The following ATXN1 variants were observed in gnomAD, a reference collection of about 807,000 sequenced individuals.
ATXN1 encodes ataxin 1, also known as ataxin-1.
Under a neutral mutation model 56.4 loss-of-function variants are expected in ATXN1, and 8 were observed. The observed-to-expected ratio is 0.14, with a 90% CI of 0.08 to 0.26. ATXN1 has a LOEUF of 0.26. ATXN1 is among the 10% of genes least tolerant of loss of function. The pLI is 1.00. For missense variants in ATXN1, 987 were observed against 1,106.5 expected (o/e 0.89, Z 1.53); for synonymous variants, 514 against 494.6 (o/e 1.04, Z -0.52).
chr6:16,424,853 T>C (rs1052571821), intron 6 of ATXN1, among the ~76,000 whole-genome samples: 25 of 152,298 alleles, frequency 1.6e-4, no homozygotes, highest in African/African-American at 5.3e-4. Flanking sequence ...TCAGAACAGC[T>C]CCAGCCTGCC....
At chr6:16,657,230 G>T (rs760679276) in intron 3 of ATXN1, among the ~76,000 whole-genome samples, 1 of 151,942 alleles carries the variant, frequency 6.6e-6, no homozygotes. Flanking sequence ...CTCGTGATCC[G>T]CGCGCCTCGG....
chr6:16,370,043 G>A (rs1403284549), intron 6 of ATXN1, among the ~76,000 whole-genome samples: 2 of 152,122 alleles, frequency 1.3e-5, no homozygotes, highest in Non-Finnish European at 1.5e-5. Context: ...TAATGCTTAT[G>A]GTGGTAATAA....
intron 6 of ATXN1, among the ~76,000 whole-genome samples, chr6:16,417,798 C>T (rs1468138269): frequency 6.6e-6 from 1 of 152,064 alleles, no homozygotes; most frequent in Admixed American, 6.6e-5. Flanking sequence ...ATCTCACTCC[C>T]AGACAACTGA....
intron 4 of ATXN1, among the ~76,000 whole-genome samples, chr6:16,581,240 T>C (rs1402176864): frequency 3.3e-5 from 5 of 151,274 alleles, no homozygotes; most frequent in African/African-American, 1.2e-4. Flanking sequence ...CGTGTGTGTG[T>C]GTGTGTGTGT....
intron 2 of ATXN1, among the ~76,000 whole-genome samples, chr6:16,731,467 T>TC (rs1759980233): frequency 9.9e-6 from 1 of 101,510 alleles, no homozygotes; most frequent in Non-Finnish European, 1.8e-5. Context: ...TTTTTTTTTT[T>TC]TTTTTTTTTT....
intron 6 of ATXN1, among the ~76,000 whole-genome samples, chr6:16,399,547 T>C (rs972853193): frequency 3.9e-5 from 6 of 152,138 alleles, no homozygotes; most frequent in African/African-American, 1.2e-4. Context: ...CATTTCTGCC[T>C]CATGGTTCTA....
intron 2 of ATXN1, among the ~76,000 whole-genome samples, chr6:16,706,864 C>G (rs775298901): frequency 2.0e-5 from 3 of 152,122 alleles, no homozygotes; most frequent in Non-Finnish European, 4.4e-5. Flanking sequence ...CAATCCATCC[C>G]ATAAATGCTT....
chr6:16,761,267 A>C (rs1159919604), intron 1 of ATXN1, 31 bp downstream of exon 1: 2 of 441,230 alleles, frequency 4.5e-6, no homozygotes, highest in Admixed American at 4.8e-5. Context: ...GGGGGAAAGA[A>C]TCGGAGGAGG....
At chr6:16,757,395 C>A (rs896336779) in intron 1 of ATXN1, among the ~76,000 whole-genome samples, 1 of 152,132 alleles carries the variant, frequency 6.6e-6, no homozygotes, top group Non-Finnish European at 1.5e-5. Flanking sequence ...CTATATGTTG[C>A]AAAATAGAAT....
At chr6:16,416,873 A>G (rs1758920219) in intron 6 of ATXN1, among the ~76,000 whole-genome samples, 1 of 152,170 alleles carries the variant, frequency 6.6e-6, no homozygotes, top group African/African-American at 2.4e-5. Context: ...TTGCATACTC[A>G]GTAGAATGTG....
chr6:16,515,661 G>A (rs554804124), intron 5 of ATXN1, among the ~76,000 whole-genome samples: 6 of 152,148 alleles, frequency 3.9e-5, no homozygotes, highest in Non-Finnish European at 5.9e-5. Flanking sequence ...AGTCCTACAC[G>A]GAGCTTCCCA....
At chr6:16,309,832 G>C (rs1760347159) in intron 7 of ATXN1, among the ~76,000 whole-genome samples, 1 of 152,094 alleles carries the variant, frequency 6.6e-6, no homozygotes, top group Non-Finnish European at 1.5e-5. Context: ...TCAGGAGTTT[G>C]AGACCAGTCT....
intron 5 of ATXN1, among the ~76,000 whole-genome samples, chr6:16,499,390 A>T (rs775916321): frequency 3.3e-5 from 5 of 152,218 alleles, no homozygotes; most frequent in Non-Finnish European, 5.9e-5. Context: ...GTATTCAGCC[A>T]CTATTTAAAT....
chr6:16,618,009 T>C (rs1276176419), intron 3 of ATXN1, among the ~76,000 whole-genome samples: 1 of 151,610 alleles, frequency 6.6e-6, no homozygotes, highest in Admixed American at 6.6e-5. Context: ...GGGTAAATAG[T>C]TATCTGACCC....
intron 6 of ATXN1, among the ~76,000 whole-genome samples, chr6:16,460,464 C>T (rs767380106): frequency 7.9e-5 from 12 of 152,160 alleles, no homozygotes; most frequent in Non-Finnish European, 1.2e-4. Flanking sequence ...AAGGATCTCA[C>T]CATCTAGACT....
At chr6:16,324,863 A>G (rs1459302519) in intron 7 of ATXN1, among the ~76,000 whole-genome samples, 1 of 152,234 alleles carries the variant, frequency 6.6e-6, no homozygotes, top group East Asian at 1.9e-4. Context: ...CACCTGGGAC[A>G]GCCCTGACTT....
intron 4 of ATXN1, among the ~76,000 whole-genome samples, chr6:16,567,942 C>G (rs236949): frequency 0.6 from 91,207 of 152,010 alleles, 27,541 homozygotes; most frequent in East Asian, 0.74. Context: ...AAAGTATTTT[C>G]CTTCCATGTG....
Position 16,554,379 on chromosome 6 carries a change from A to C in ATXN1, c.-361+31401T>G, listed in dbSNP as rs2237181. Among the ~76,000 whole-genome samples the C allele has an allele frequency of 5.3e-5, 8 of 152,338 alleles. No homozygotes were observed. In the East Asian group the frequency reaches 1.5e-3, roughly 29 times the overall value. ...TGGGCCAGAGCTCATTTCCTCCCCA[A>C]TCTCTAAACCCACCCGAGAGACATT... is the stretch of plus-strand genomic sequence containing the variant. On this transcript the variant is annotated intron_variant, in intron 4 of 7. Coordinates refer to ENST00000436367, the MANE Select transcript of ATXN1 (RefSeq NM_001128164.2).
intron 4 of ATXN1, among the ~76,000 whole-genome samples, chr6:16,568,690 T>A (rs1762275933): frequency 6.6e-6 from 1 of 151,954 alleles, no homozygotes; most frequent in Admixed American, 6.6e-5. Flanking sequence ...TCTGTCTGCC[T>A]CTCCTATACT....
Sources: gnomAD v4.1 joint callset for allele counts (sites outside exome capture counted in the v4.1 genomes callset) on GRCh38, gnomAD v4.1.1 for gene constraint, MANE v1.5 for transcripts, NCBI Gene and HGNC (gene_info 2026-07-23, HGNC 2026-07-21) for gene names.